The following SEMA6D variants were observed in gnomAD, a reference collection of about 807,000 sequenced individuals.
SEMA6D encodes semaphorin 6D.
Under a neutral mutation model 106.6 loss-of-function variants are expected in SEMA6D, and 35 were observed. That is an observed-to-expected ratio of 0.33 (90% CI 0.25 to 0.44). SEMA6D has a LOEUF of 0.44. SEMA6D is among the 20% of genes least tolerant of loss of function. The probability of loss-of-function intolerance (pLI) is 1.00; values close to 1 mark genes in which losing one functional copy is unlikely to be tolerated. For synonymous variants in SEMA6D, 499 were observed against 487.7 expected (o/e 1.02, Z -0.31); for missense variants, 1,185 against 1,345.9 (o/e 0.88, Z 1.87).
chr15:47,671,822 C>T (rs1054435391), intron 4 of SEMA6D, among the ~76,000 whole-genome samples: 1 of 151,946 alleles, frequency 6.6e-6, no homozygotes, highest in African/African-American at 2.4e-5. Flanking sequence ...TAAGGGCCAG[C>T]AAGAGAGAAA....
At chr15:47,444,991 G>T (rs1409686495) in intron 2 of SEMA6D, among the ~76,000 whole-genome samples, 1 of 152,070 alleles carries the variant, frequency 6.6e-6, no homozygotes, top group Non-Finnish European at 1.5e-5. Flanking sequence ...GATGGATGGG[G>T]AGCTGGAAGG....
intron 4 of SEMA6D, among the ~76,000 whole-genome samples, chr15:47,663,868 T>G (rs1250882825): frequency 6.6e-6 from 1 of 152,178 alleles, no homozygotes; most frequent in Non-Finnish European, 1.5e-5. Context: ...ATGCAGAAGT[T>G]CAGCCCTAGA....
At chr15:47,475,780 T>C (rs1347735325) in intron 3 of SEMA6D, among the ~76,000 whole-genome samples, 1 of 152,172 alleles carries the variant, frequency 6.6e-6, no homozygotes, top group Non-Finnish European at 1.5e-5. Flanking sequence ...ATTAAAAAAA[T>C]AATTACTTTT....
chr15:47,467,961 A>G (rs946814566), intron 2 of SEMA6D, among the ~76,000 whole-genome samples: 2 of 152,102 alleles, frequency 1.3e-5, no homozygotes, highest in African/African-American at 4.8e-5. Flanking sequence ...TAATAATATT[A>G]TAATACCGAC....
chr15:47,348,865 A>T (rs2038195860), intron 1 of SEMA6D, among the ~76,000 whole-genome samples: 1 of 151,982 alleles, frequency 6.6e-6, no homozygotes, highest in Non-Finnish European at 1.5e-5. Flanking sequence ...TAGCATCCTG[A>T]TGAGAGTTGT....
At chr15:47,670,485 G>A (rs1259474486) in intron 4 of SEMA6D, among the ~76,000 whole-genome samples, 2 of 152,172 alleles carry the variant, frequency 1.3e-5, no homozygotes, top group South Asian at 2.1e-4. Flanking sequence ...AATGCATAGC[G>A]GGAAGCAAGC....
chr15:47,620,436 A>C (rs2077078329), intron 4 of SEMA6D, among the ~76,000 whole-genome samples: 1 of 152,148 alleles, frequency 6.6e-6, no homozygotes, highest in African/African-American at 2.4e-5. Context: ...GACAATGGGG[A>C]CTTGTAATTT....
chr15:47,338,806 A>G lies in SEMA6D; in HGVS notation c.-238-73587A>G, dbSNP rs375170627. Among the ~76,000 whole-genome samples the G allele has an allele frequency of 2.0e-5, 3 of 152,156 alleles. No individual in the cohort carries two copies. The East Asian group carries it at 5.8e-4, about 29-fold the overall frequency. ...TTCTGGGGCACTTTAGGCCTTAGGAATAGAATCTCTCTCTGTGACCTTCTC... is the reference window on the plus strand; with the variant it reads ...TTCTGGGGCACTTTAGGCCTTAGGAGTAGAATCTCTCTCTGTGACCTTCTC... On this transcript the variant is annotated intron_variant, in intron 1 of 19. Coordinates refer to the SEMA6D transcript ENST00000558014.
intron 4 of SEMA6D, among the ~76,000 whole-genome samples, chr15:47,667,174 G>A (rs778084628): frequency 3.3e-5 from 5 of 152,130 alleles, no homozygotes; most frequent in Non-Finnish European, 7.3e-5. Flanking sequence ...TACAGAATCC[G>A]TGGGCATAAG....
chr15:47,319,412 G>A (rs886804180), intron 1 of SEMA6D, among the ~76,000 whole-genome samples: 4 of 152,154 alleles, frequency 2.6e-5, no homozygotes, highest in African/African-American at 7.2e-5. Flanking sequence ...ACAGCTGTAA[G>A]TAGGCTTTTA....
chr15:47,236,727 A>C (rs1453751791), intron 1 of SEMA6D, among the ~76,000 whole-genome samples: 1 of 152,168 alleles, frequency 6.6e-6, no homozygotes, highest in Non-Finnish European at 1.5e-5. Context: ...TTTCTATAAA[A>C]GGGAATAAGA....
intron 2 of SEMA6D, among the ~76,000 whole-genome samples, chr15:47,457,336 T>C (rs2042374261): frequency 6.6e-6 from 1 of 151,352 alleles, no homozygotes; most frequent in Non-Finnish European, 1.5e-5. Flanking sequence ...GAAGAAAAAA[T>C]ACACGTTTTA....
chr15:47,679,583 CT>C (rs1424262919), intron 4 of SEMA6D, among the ~76,000 whole-genome samples: 1 of 139,454 alleles, frequency 7.2e-6, no homozygotes, highest in South Asian at 2.6e-4. Flanking sequence ...AGGCAATACC[CT>C]TTTTTTGTTT....
intron 3 of SEMA6D, among the ~76,000 whole-genome samples, chr15:47,578,436 A>G (rs2076194914): frequency 6.6e-6 from 1 of 152,230 alleles, no homozygotes; most frequent in African/African-American, 2.4e-5. Flanking sequence ...GTACAAGAGC[A>G]CACATTGACT....
intron 3 of SEMA6D, among the ~76,000 whole-genome samples, chr15:47,518,698 G>T (rs2044470879): frequency 6.6e-6 from 1 of 152,196 alleles, no homozygotes; most frequent in Admixed American, 6.5e-5. Flanking sequence ...GAAGGTAGCT[G>T]GACTGAACAT....
intron 2 of SEMA6D, among the ~76,000 whole-genome samples, chr15:47,447,628 C>T (rs547288660): frequency 6.6e-6 from 1 of 152,194 alleles, no homozygotes; most frequent in African/African-American, 2.4e-5. Context: ...TTATTTGTAT[C>T]CTCTAAAATA....
chr15:47,553,341 G>A (rs910827656), intron 3 of SEMA6D, among the ~76,000 whole-genome samples: 1 of 151,966 alleles, frequency 6.6e-6, no homozygotes, highest in Non-Finnish European at 1.5e-5. Flanking sequence ...TCACATAATT[G>A]CCTCTAACTA....
At chr15:47,660,331 C>A (rs1316595085) in intron 4 of SEMA6D, among the ~76,000 whole-genome samples, 1 of 151,982 alleles carries the variant, frequency 6.6e-6, no homozygotes, top group Non-Finnish European at 1.5e-5. Context: ...TAGAGGAGGC[C>A]TAATTGAATA....
At chr15:47,635,901 A>G (rs980408250) in intron 4 of SEMA6D, among the ~76,000 whole-genome samples, 1 of 151,524 alleles carries the variant, frequency 6.6e-6, no homozygotes, top group Non-Finnish European at 1.5e-5. Flanking sequence ...TCTGGTGTTT[A>G]GTAGCAATGA....
Sources: gnomAD v4.1 joint callset for allele counts (sites outside exome capture counted in the v4.1 genomes callset) on GRCh38, gnomAD v4.1.1 for gene constraint, MANE v1.5 for transcripts, NCBI Gene and HGNC (gene_info 2026-07-23, HGNC 2026-07-21) for gene names.